Variants in SETD7 observed in about 807,000 individuals in gnomAD.
SETD7 encodes SET domain containing 7, histone lysine methyltransferase.
SETD7 carries 16 observed loss-of-function variants against 41.8 expected under a neutral mutation model. That is an observed-to-expected ratio of 0.38 (90% CI 0.26 to 0.58). The LOEUF (loss-of-function observed/expected upper bound fraction) is 0.58. Among genes scored for constraint, SETD7 ranks in the 20% least tolerant of loss-of-function variants. The pLI, the probability that SETD7 is intolerant of heterozygous loss-of-function variation, is 0.64. For missense variants in SETD7, 346 were observed against 459.7 expected (o/e 0.75, Z 2.26); for synonymous variants, 163 against 169.7 (o/e 0.96, Z 0.31).
At chr4:139,545,115 G>A (rs1286986100) in intron 2 of SETD7, among the ~76,000 whole-genome samples, 3 of 152,104 alleles carry the variant, frequency 2.0e-5, no homozygotes, top group Admixed American at 6.6e-5. Flanking sequence ...AAAAATTGCA[G>A]TGGAAATGGG....
chr4:139,504,424 T>C (rs1161468748), downstream of SETD7, among the ~76,000 whole-genome samples: 1 of 152,244 alleles, frequency 6.6e-6, no homozygotes, highest in African/African-American at 2.4e-5. Context: ...ACAGTCATTT[T>C]CTGAAATACT....
downstream of SETD7, among the ~76,000 whole-genome samples, chr4:139,495,569 A>G (rs1324116145): frequency 6.6e-6 from 1 of 152,184 alleles, no homozygotes; most frequent in Admixed American, 6.5e-5. Context: ...CGGCAGGAGA[A>G]AGAGAGCAGG....
intron 4 of SETD7, 143 bp from the exon 5 acceptor site, chr4:139,523,578 T>C (rs1727239729): frequency 3.6e-6 from 2 of 549,642 alleles, no homozygotes; most frequent in Non-Finnish European, 6.5e-6. Flanking sequence ...AGTTCTTCAA[T>C]TTAAATGGAT....
At chr4:139,502,539 G>C (rs1338229479), downstream of SETD7, among the ~76,000 whole-genome samples, 1 of 152,216 alleles carries the variant, frequency 6.6e-6, no homozygotes, top group Non-Finnish European at 1.5e-5. Flanking sequence ...GCACAGGAAG[G>C]AAGAGGGAGA....
At chr4:139,548,183 C>G (rs1728014237) in intron 1 of SETD7, 1 of 152,196 alleles carries the variant, frequency 6.6e-6, no homozygotes, top group Admixed American at 6.5e-5. Context: ...GGACATTAAA[C>G]ATTGAAATGT....
chr4:139,556,199 C>A lies in SETD7; in HGVS notation c.-62G>T. 1 of 1,536,308 alleles carries A rather than the reference C, an allele frequency of 6.5e-7. No homozygotes were observed. Among genetic ancestry groups the A allele is most frequent in the Non-Finnish European group, 8.8e-7 (1 of 1,137,416 alleles). ...GCTGCCTCCCGTCCCTCTGGGTGCT[C>A]CCGGCGGCTGAGCGAGCTCTGGGGC... On this transcript the variant is annotated 5_prime_UTR_variant, in exon 1 of 8. Coordinates refer to ENST00000274031, the MANE Select transcript of SETD7 (RefSeq NM_030648.4).
At chr4:139,553,828 A>G (rs535664170) in intron 1 of SETD7, among the ~76,000 whole-genome samples, 6 of 152,396 alleles carry the variant, frequency 3.9e-5, no homozygotes, top group African/African-American at 1.4e-4. Context: ...ACACTAAGAT[A>G]TTCAGACTAG....
downstream of SETD7, among the ~76,000 whole-genome samples, chr4:139,503,477 TCA>T (rs1251998174): frequency 3.3e-5 from 5 of 152,132 alleles, no homozygotes; most frequent in African/African-American, 1.2e-4. Flanking sequence ...TCTCTATGCC[TCA>T]GTTTTTCTTT....
chr4:139,533,049 G>A, intron 3 of SETD7, 116 bp downstream of exon 3: 1 of 848,406 alleles, frequency 1.2e-6, no homozygotes. Flanking sequence ...GGTGTCAGCT[G>A]TGGTGACTCT....
At position 139,555,850 on chromosome 4, in the gene SETD7, C is replaced by G. The variant is rs1728252238; in HGVS notation, c.40+248G>C. Among the ~76,000 whole-genome samples the G allele has an allele frequency of 6.6e-6, 1 of 152,072 alleles. No homozygotes were observed. ...CAGGCTGTGGCCGGGCGGGATGGAG[C>G]GGCCGTGCGTTTCCAGCGCCCCCGG... On this transcript the variant is annotated intron_variant, in intron 1 of 7. Coordinates refer to ENST00000274031, the MANE Select transcript of SETD7 (RefSeq NM_030648.4). The surrounding 1 kb of genome is among the most constrained non-coding windows in gnomAD (Gnocchi z 4.0).
intron 3 of SETD7, among the ~76,000 whole-genome samples, chr4:139,531,613 T>C (rs73856578): frequency 0.13 from 20,238 of 152,246 alleles, 1,533 homozygotes; most frequent in East Asian, 0.39. Flanking sequence ...GATATTTAAA[T>C]GCTTTAGCAA....
At chr4:139,534,715 C>A (rs574147304) in intron 2 of SETD7, among the ~76,000 whole-genome samples, 1 of 152,074 alleles carries the variant, frequency 6.6e-6, no homozygotes, top group African/African-American at 2.4e-5. Context: ...GGCTCTAGAG[C>A]GGATAAGGAA....
At chr4:139,528,058 C>G (rs1727380824) in intron 4 of SETD7, among the ~76,000 whole-genome samples, 1 of 152,120 alleles carries the variant, frequency 6.6e-6, no homozygotes, top group Non-Finnish European at 1.5e-5. Flanking sequence ...AAACCTGGCT[C>G]AGAAATACAT....
At chr4:139,531,160 CAG>C (rs896103100) in intron 3 of SETD7, among the ~76,000 whole-genome samples, 1 of 152,178 alleles carries the variant, frequency 6.6e-6, no homozygotes, top group Non-Finnish European at 1.5e-5. Flanking sequence ...CTTCCTAAGG[CAG>C]AGTCTTCTTT....
chr4:139,535,455 G>A (rs1241529348), intron 2 of SETD7, among the ~76,000 whole-genome samples: 3 of 152,188 alleles, frequency 2.0e-5, no homozygotes, highest in African/African-American at 7.2e-5. Context: ...AAATGTTCCT[G>A]TGTGAGTTTG....
At chr4:139,545,368 C>T (rs182087303) in intron 2 of SETD7, among the ~76,000 whole-genome samples, 2 of 152,234 alleles carry the variant, frequency 1.3e-5, no homozygotes, top group African/African-American at 2.4e-5. Flanking sequence ...CTCAAACAAT[C>T]CTCCTGCCTC....
chr4:139,554,585 T>A (rs1436973102), intron 1 of SETD7, among the ~76,000 whole-genome samples: 1 of 152,240 alleles, frequency 6.6e-6, no homozygotes, highest in Non-Finnish European at 1.5e-5. Context: ...AATCAATGTA[T>A]CTGGGCCTCA....
chr4:139,519,231 G>C (rs1007591648), intron 6 of SETD7, among the ~76,000 whole-genome samples: 2 of 152,152 alleles, frequency 1.3e-5, no homozygotes, highest in African/African-American at 4.8e-5. Context: ...AATTTCATTA[G>C]GGCAAGAAGG....
chr4:139,495,464 T>C (rs1579192143), downstream of SETD7, among the ~76,000 whole-genome samples: 1 of 152,184 alleles, frequency 6.6e-6, no homozygotes, highest in Non-Finnish European at 1.5e-5. Context: ...GGAAAGAGGC[T>C]TAATTGACTC....
Sources: allele counts gnomAD v4.1 joint callset (sites outside exome capture counted in the v4.1 genomes callset), GRCh38; gene constraint gnomAD v4.1.1; non-coding constraint Gnocchi (gnomAD v3.1); transcripts MANE v1.5; gene names NCBI Gene and HGNC (gene_info 2026-07-23, HGNC 2026-07-21).